Variants in NPIPB7 observed in about 807,000 individuals in gnomAD.
The protein encoded by NPIPB7 is nuclear pore complex interacting protein family member B7.
For missense variants in NPIPB7, 14 were observed against 238.5 expected (o/e 0.06, Z 6.20); for synonymous variants, 9 against 88.1 (o/e 0.10, Z 5.03).
At chr16:28,470,720 GAGA>G (rs1320686503), upstream of NPIPB7, among the ~76,000 whole-genome samples, 2 of 150,868 alleles carry the variant, frequency 1.3e-5, no homozygotes, top group Non-Finnish European at 3.0e-5. Flanking sequence ...GGTGGAGGAG[GAGA>G]AGAAGAAAGG....
At chr16:28,462,201 C>A (rs1313534125) in intron 4 of NPIPB7, among the ~76,000 whole-genome samples, 1 of 149,650 alleles carries the variant, frequency 6.7e-6, no homozygotes, top group Non-Finnish European at 1.5e-5. Context: ...AGGTGGATTA[C>A]CTGAGGTCAG....
intron 2 of NPIPB7, among the ~76,000 whole-genome samples, chr16:28,463,727 CAAAAAAAA>C (rs1199745082): frequency 8.1e-3 from 122 of 15,108 alleles, no homozygotes; most frequent in African/African-American, 0.011. Flanking sequence ...AACTCTGTCT[CAAAAAAAA>C]AAAAAAAAAA....
chr16:28,456,939 C>G, exon 7 of NPIPB7: 1 of 1,380,820 alleles, frequency 7.2e-7, no homozygotes, highest in East Asian at 2.3e-5. Flanking sequence ...GGCTGGCGGC[C>G]CATCCTGTTT....
At chr16:28,470,784 G>A (rs1596615188), upstream of NPIPB7, among the ~76,000 whole-genome samples, 4 of 148,756 alleles carry the variant, frequency 2.7e-5, no homozygotes, top group East Asian at 6.1e-4. Flanking sequence ...CTGGTGGAAG[G>A]TTTAGCTACA....
chr16:28,470,900 T>A (rs1483919476), upstream of NPIPB7, among the ~76,000 whole-genome samples: 8 of 113,748 alleles, frequency 7.0e-5, no homozygotes, highest in Admixed American at 5.5e-4. Context: ...CGCCAAACCT[T>A]CTTCGGTCTG....
At chr16:28,461,866 T>G (rs1349695641) in intron 4 of NPIPB7, among the ~76,000 whole-genome samples, 1 of 139,650 alleles carries the variant, frequency 7.2e-6, no homozygotes, top group East Asian at 2.4e-4. Flanking sequence ...AAGAATCGCT[T>G]GAACCTGGGA....
chr16:28,469,958 T>G, intron 1 of NPIPB7: 2 of 290,464 alleles, frequency 6.9e-6, no homozygotes, highest in Admixed American at 4.8e-5. Flanking sequence ...GGCGACAGAG[T>G]GAGACTCTGT....
intron 4 of NPIPB7, among the ~76,000 whole-genome samples, chr16:28,462,404 T>A (rs1596611465): frequency 7.6e-6 from 1 of 131,838 alleles, no homozygotes; most frequent in African/African-American, 2.8e-5. Context: ...ACAGCAAAGC[T>A]CCATCTCAGG....
chr16:28,461,947 CAAAAAAAAAAA>C (rs56100146), intron 4 of NPIPB7, among the ~76,000 whole-genome samples: 1 of 90,456 alleles, frequency 1.1e-5, no homozygotes, highest in Non-Finnish European at 2.1e-5. Flanking sequence ...GACTCTGTCT[CAAAAAAAAAAA>C]AAAAAAAAAA....
At chr16:28,462,102 G>A (rs2045874503) in intron 4 of NPIPB7, among the ~76,000 whole-genome samples, 1 of 146,810 alleles carries the variant, frequency 6.8e-6, no homozygotes, top group Admixed American at 6.8e-5. Flanking sequence ...GGGCGACAGA[G>A]CGAGATTCTA....
intron 1 of NPIPB7, chr16:28,469,965 C>G (rs2045932108): frequency 3.3e-6 from 1 of 301,720 alleles, no homozygotes; most frequent in South Asian, 2.9e-5. Flanking sequence ...GAGTGAGACT[C>G]TGTCTAAAAA....
At chr16:28,468,761 C>T (rs367840918) in intron 1 of NPIPB7, among the ~76,000 whole-genome samples, 2 of 115,280 alleles carry the variant, frequency 1.7e-5, no homozygotes, top group Non-Finnish European at 3.9e-5. Context: ...GAGCCGAGAT[C>T]GCACCACTGC....
rs1162905897 is a variant in NPIPB7 at position 28,468,741 on chromosome 16, A to T, written c.66+1632T>A. Among the ~76,000 whole-genome samples the T allele has an allele frequency of 1.6e-5, 2 of 121,382 alleles. 1 individual carries two copies. Among genetic ancestry groups the T allele is most frequent in the Non-Finnish European group, 3.7e-5 (2 of 54,376 alleles). The allele number at this position is 121,382 out of a possible 152,430, so 79.6% of individuals were successfully genotyped here. A position where few individuals can be genotyped will look rare whatever the true frequency, so the allele number is the denominator to read the frequency against. ...AGAATCACTTGAACCCAGGAGGCAG[A>T]GGTTGCAGTGAGCCGAGATCGCACC... is the stretch of plus-strand genomic sequence containing the variant. On this transcript the variant is annotated intron_variant, in intron 1 of 6. Coordinates refer to ENST00000452313, the Ensembl canonical transcript of NPIPB7.
At chr16:28,462,103 C>T (rs368484082) in intron 4 of NPIPB7, among the ~76,000 whole-genome samples, 20,235 of 127,678 alleles carry the variant, frequency 0.16, 5 homozygotes, top group Non-Finnish European at 0.21. Context: ...GGCGACAGAG[C>T]GAGATTCTAT....
intron 1 of NPIPB7, among the ~76,000 whole-genome samples, chr16:28,468,820 A>T (rs1163860949): frequency 1.1e-5 from 1 of 92,096 alleles, no homozygotes; most frequent in African/African-American, 3.5e-5. Context: ...AAAAAAAAAA[A>T]AAAAAAAAAA....
intron 1 of NPIPB7, among the ~76,000 whole-genome samples, chr16:28,469,181 CAA>C (rs1055337378): frequency 1.7e-5 from 2 of 119,640 alleles, no homozygotes; most frequent in Non-Finnish European, 4.0e-5. Context: ...AAAGCAGACA[CAA>C]AAGAGTACCT....
intron 2 of NPIPB7, among the ~76,000 whole-genome samples, chr16:28,464,883 G>A (rs201199508): frequency 1.3e-5 from 2 of 149,650 alleles, no homozygotes; most frequent in African/African-American, 5.0e-5. Flanking sequence ...CTAGGATTTC[G>A]AGAGAAGCAA....
intron 1 of NPIPB7, among the ~76,000 whole-genome samples, chr16:28,467,641 G>A (rs2045913394): frequency 1.4e-5 from 2 of 147,428 alleles, no homozygotes; most frequent in African/African-American, 2.5e-5. Context: ...GCAGTGGCGT[G>A]CTCTCGGCTC....
At chr16:28,472,171 T>TG, upstream of NPIPB7, among the ~76,000 whole-genome samples, 2 of 152,164 alleles carry the variant, frequency 1.3e-5, no homozygotes, top group Non-Finnish European at 2.9e-5. Context: ...CCAGTATCTC[T>TG]GGAGGTCAAG....
Sources: gnomAD v4.1 joint callset for allele counts (sites outside exome capture counted in the v4.1 genomes callset) on GRCh38, gnomAD v4.1.1 for gene constraint, MANE v1.5 for transcripts, NCBI Gene and HGNC (gene_info 2026-07-23, HGNC 2026-07-21) for gene names.